Variants in PPP6R3 observed in about 807,000 individuals in gnomAD.
PPP6R3 encodes protein phosphatase 6 regulatory subunit 3.
A neutral mutation model predicts 110.7 loss-of-function variants in PPP6R3; 38 were observed. The ratio of observed to expected loss-of-function variants is 0.34; its 90% CI spans 0.26 to 0.45. The LOEUF (loss-of-function observed/expected upper bound fraction) is 0.45. Among genes scored for constraint, PPP6R3 ranks in the 20% least tolerant of loss-of-function variants. PPP6R3 has a pLI of 1.00. For missense variants in PPP6R3, 870 were observed against 1,062.4 expected (o/e 0.82, Z 2.52); for synonymous variants, 369 against 373.5 (o/e 0.99, Z 0.14).
chr11:68,591,749 A>G, intron 18 of PPP6R3, 43 bp downstream of exon 18: 2 of 1,572,224 alleles, frequency 1.3e-6, no homozygotes, highest in Non-Finnish European at 1.7e-6. Context: ...GCCAACCTGT[A>G]AAGAAAATGA....
At chr11:68,509,386 C>G (rs996263771) in intron 1 of PPP6R3, among the ~76,000 whole-genome samples, 5 of 151,900 alleles carry the variant, frequency 3.3e-5, no homozygotes, top group Non-Finnish European at 7.4e-5. Flanking sequence ...TTCAACCGTG[C>G]TTGTCTGACT....
chr11:68,581,841 C>A (rs1189562584), intron 14 of PPP6R3, among the ~76,000 whole-genome samples: 1 of 152,220 alleles, frequency 6.6e-6, no homozygotes, highest in Non-Finnish European at 1.5e-5. Context: ...AATGGGAGTG[C>A]TTTATCTATA....
intron 1 of PPP6R3, among the ~76,000 whole-genome samples, chr11:68,490,757 A>G (rs2098979083): frequency 6.6e-6 from 1 of 151,574 alleles, no homozygotes; most frequent in African/African-American, 2.4e-5. Flanking sequence ...GGGATTCTTC[A>G]TTTCTGTTAC....
At chr11:68,609,777 C>T (rs1942419757) in intron 22 of PPP6R3, 127 bp from the exon 23 acceptor site, 1 of 1,552,600 alleles carries the variant, frequency 6.4e-7, no homozygotes, top group South Asian at 1.1e-5. Flanking sequence ...TGCGCATGCT[C>T]AGTCCCAGGA....
intron 15 of PPP6R3, among the ~76,000 whole-genome samples, chr11:68,585,490 A>G (rs112822701): frequency 0.01 from 1,571 of 152,326 alleles, 13 homozygotes; most frequent in African/African-American, 0.013. Context: ...AGTACTAGGA[A>G]AGTGTGCTTT....
chr11:68,567,780 T>G (rs758807395), intron 10 of PPP6R3, among the ~76,000 whole-genome samples: 5 of 152,216 alleles, frequency 3.3e-5, no homozygotes, highest in Non-Finnish European at 7.3e-5. Context: ...GTTAACACTT[T>G]AGCAGGTTTC....
intron 2 of PPP6R3, among the ~76,000 whole-genome samples, chr11:68,527,554 T>C (rs537151805): frequency 6.6e-6 from 1 of 152,236 alleles, no homozygotes; most frequent in Non-Finnish European, 1.5e-5. Flanking sequence ...ACGAACTCTG[T>C]TGAGAGTGTA....
chr11:68,579,805 C>G (rs2099546075), intron 14 of PPP6R3, among the ~76,000 whole-genome samples: 1 of 152,228 alleles, frequency 6.6e-6, no homozygotes, highest in African/African-American at 2.4e-5. Context: ...CACCATGCTC[C>G]AGTTGCCTCA....
intron 15 of PPP6R3, among the ~76,000 whole-genome samples, chr11:68,584,785 C>T (rs2099573018): frequency 6.6e-6 from 1 of 152,208 alleles, no homozygotes; most frequent in Non-Finnish European, 1.5e-5. Context: ...AATTTACCCA[C>T]TTCATATGAA....
At chr11:68,580,206 G>A (rs903521143) in intron 14 of PPP6R3, among the ~76,000 whole-genome samples, 1 of 152,204 alleles carries the variant, frequency 6.6e-6, no homozygotes, top group Non-Finnish European at 1.5e-5. Context: ...GTAACAGTAA[G>A]CAAAGGAGAG....
intron 1 of PPP6R3, among the ~76,000 whole-genome samples, chr11:68,506,496 A>G (rs554012074): frequency 9.8e-4 from 147 of 150,518 alleles, no homozygotes; most frequent in Non-Finnish European, 1.7e-3. Context: ...ATAGGGTACA[A>G]AGTGATGTTA....
At chr11:68,605,705 T>G (rs1939299672) in intron 22 of PPP6R3, among the ~76,000 whole-genome samples, 1 of 152,166 alleles carries the variant, frequency 6.6e-6, no homozygotes, top group South Asian at 2.1e-4. Flanking sequence ...AAAGAACCAG[T>G]AGCCAGGATA....
intron 14 of PPP6R3, among the ~76,000 whole-genome samples, chr11:68,578,388 C>T (rs1593467856): frequency 6.6e-6 from 1 of 152,312 alleles, no homozygotes; most frequent in South Asian, 2.1e-4. Flanking sequence ...ACATGCTTGT[C>T]ACTGGAATTG....
Position 68,571,023 on chromosome 11 carries a change from C to CTTTT in PPP6R3, c.1279-7_1279-4dup. 1 of 1,233,150 alleles carries CTTTT rather than the reference C, an allele frequency of 8.1e-7. No individual in the cohort carries two copies. The highest frequency in any genetic ancestry group is 1.1e-6 in the Non-Finnish European group (1 of 899,298). 76.4% of individuals were successfully genotyped at this position (1,233,150 alleles called of 1,614,324 possible). On this transcript the variant is annotated splice_polypyrimidine_tract_variant and intron_variant, in intron 11 of 23. Transcript: ENST00000393800. Reference sequence around the variant, plus strand: ...GCTTTGAAGTATTAACTGGAATATTCTTTTTTTTTTTTTCAGCTTTTCCAA... The same window carrying CTTTT: ...GCTTTGAAGTATTAACTGGAATATTCTTTTTTTTTTTTTTTTTCAGCTTTTCCAA...
chr11:68,466,316 A>T (rs1339445246), intron 1 of PPP6R3, among the ~76,000 whole-genome samples: 1 of 152,110 alleles, frequency 6.6e-6, no homozygotes, highest in Non-Finnish European at 1.5e-5. Context: ...GTATTGAAAG[A>T]TTACAGACTG....
At chr11:68,555,667 T>A (rs2099396539) in intron 7 of PPP6R3, among the ~76,000 whole-genome samples, 1 of 152,242 alleles carries the variant, frequency 6.6e-6, no homozygotes, top group South Asian at 2.1e-4. Context: ...CCAGAGCCCA[T>A]GTGCGCACTA....
At chr11:68,569,530 C>T (rs1372129406) in intron 10 of PPP6R3, among the ~76,000 whole-genome samples, 1 of 152,178 alleles carries the variant, frequency 6.6e-6, no homozygotes, top group Non-Finnish European at 1.5e-5. Flanking sequence ...TTATACTCAC[C>T]TATTTTCAGA....
chr11:68,548,490 T>G (rs1253355090), intron 5 of PPP6R3, among the ~76,000 whole-genome samples: 1 of 152,180 alleles, frequency 6.6e-6, no homozygotes, highest in Non-Finnish European at 1.5e-5. Flanking sequence ...GGTGAGACTT[T>G]ATGGGTTGAG....
At chr11:68,584,089 G>A (rs1320271550) in intron 15 of PPP6R3, among the ~76,000 whole-genome samples, 1 of 152,148 alleles carries the variant, frequency 6.6e-6, no homozygotes, top group Non-Finnish European at 1.5e-5. Context: ...TCCCAAATAG[G>A]TCTGAAGTAG....
Sources: allele counts gnomAD v4.1 joint callset (sites outside exome capture counted in the v4.1 genomes callset), GRCh38; gene constraint gnomAD v4.1.1; transcripts MANE v1.5; gene names NCBI Gene and HGNC (gene_info 2026-07-23, HGNC 2026-07-21).